Variants in CIT observed in about 807,000 individuals in gnomAD.
CIT encodes citron Rho-interacting kinase.
CIT carries 79 observed loss-of-function variants against 272.7 expected under a neutral mutation model. The ratio of observed to expected loss-of-function variants is 0.29; its 90% confidence interval spans 0.24 to 0.35. The LOEUF is 0.35. CIT is among the 10% of genes least tolerant of loss of function. The pLI is 1.00. For missense variants in CIT, 1,909 were observed against 2,618.3 expected (o/e 0.73, Z 5.91); for synonymous variants, 948 against 995.6 (o/e 0.95, Z 0.90).
At chr12:119,837,589 T>C (rs1344453264) in intron 5 of CIT, among the ~76,000 whole-genome samples, 2 of 152,222 alleles carry the variant, frequency 1.3e-5, no homozygotes, top group Non-Finnish European at 2.9e-5. Flanking sequence ...CAAGAGTCCA[T>C]TCACAGCATC....
chr12:119,714,108 G>A, intron 33 of CIT, 89 bp downstream of exon 33: 3 of 1,476,794 alleles, frequency 2.0e-6, no homozygotes, highest in Non-Finnish European at 2.8e-6. Context: ...ACTATATGAT[G>A]AGTTAGAAAA....
intron 10 of CIT, among the ~76,000 whole-genome samples, chr12:119,801,718 G>A (rs1031293979): frequency 2.0e-5 from 3 of 152,112 alleles, no homozygotes; most frequent in African/African-American, 7.2e-5. Context: ...GATGCCAATG[G>A]CAAAACCTCC....
intron 5 of CIT, among the ~76,000 whole-genome samples, chr12:119,847,638 C>A (rs1385243424): frequency 6.6e-6 from 1 of 151,768 alleles, no homozygotes; most frequent in African/African-American, 2.4e-5. Context: ...CGCCTGTAAT[C>A]CCAGCACTTT....
chr12:119,774,850 T>G (rs533704804), intron 16 of CIT, among the ~76,000 whole-genome samples: 40 of 152,232 alleles, frequency 2.6e-4, no homozygotes, highest in African/African-American at 8.9e-4. Flanking sequence ...GGTGCACACC[T>G]GTAGTCCCAG....
intron 5 of CIT, among the ~76,000 whole-genome samples, chr12:119,842,769 G>A (rs1969496527): frequency 6.6e-6 from 1 of 152,118 alleles, no homozygotes; most frequent in South Asian, 2.1e-4. Context: ...ATCTCACTGA[G>A]TCTATCTTGA....
intron 19 of CIT, among the ~76,000 whole-genome samples, chr12:119,764,462 A>T (rs1014838299): frequency 1.4e-4 from 21 of 152,166 alleles, no homozygotes; most frequent in Non-Finnish European, 2.5e-4. Context: ...CAGAAAATTT[A>T]AAAATTACCC....
intron 47 of CIT, among the ~76,000 whole-genome samples, chr12:119,689,677 T>TTTC (rs1955811593): frequency 8.2e-6 from 1 of 122,502 alleles, no homozygotes. Context: ...TTTTTTTTTT[T>TTTC]TTTTTTTTTT....
rs943997163 is a variant in CIT at position 119,877,256 on chromosome 12, G to A, written c.-21C>T. 6 of 152,382 alleles carry A rather than the reference G, an allele frequency of 3.9e-5. No homozygotes were observed. The highest frequency in any genetic ancestry group is 3.9e-4 in the East Asian group (2 of 5,176). 9.4% of individuals were successfully genotyped at this position (152,382 alleles called of 1,614,324 possible). On this transcript the variant is annotated 5_prime_UTR_variant, in exon 1 of 48. Transcript: ENST00000392521. ...CTGGGGGATCAGACTCACGCTCTGCGAACCCCCAGGTCTGCGATCTGTTCC... is the reference window on the plus strand; with the variant it reads ...CTGGGGGATCAGACTCACGCTCTGCAAACCCCCAGGTCTGCGATCTGTTCC...
At chr12:119,805,172 A>G (rs920825950) in intron 9 of CIT, among the ~76,000 whole-genome samples, 8 of 152,232 alleles carry the variant, frequency 5.3e-5, no homozygotes, top group African/African-American at 1.9e-4. Context: ...GACTGAGGAA[A>G]TTTATGGAGA....
rs1254716300 is a variant in CIT at position 119,849,139 on chromosome 12, C to T, written c.516+1035G>A. Among the ~76,000 whole-genome samples the T allele has an allele frequency of 3.3e-5, 5 of 152,294 alleles. No individual in the cohort carries two copies. The South Asian group carries it at 6.2e-4, about 19-fold the overall frequency. Reference sequence around the variant, plus strand: ...TAGGGAGGAGGATTAGAAAATAAAACGGAGAGGCCGGGCACAGTGGCTCAC... The same window carrying T: ...TAGGGAGGAGGATTAGAAAATAAAATGGAGAGGCCGGGCACAGTGGCTCAC... On this transcript the variant is annotated intron_variant, in intron 5 of 47. Transcript: ENST00000392521.
chr12:119,831,798 G>A (rs1225623070), intron 7 of CIT, among the ~76,000 whole-genome samples: 8 of 152,206 alleles, frequency 5.3e-5, no homozygotes, highest in Admixed American at 3.3e-4. Context: ...GAACCCAGGG[G>A]GGCGGAGCTT....
chr12:119,782,674 GGATCCT>G (rs1403331742), intron 12 of CIT, 37 bp from the exon 13 acceptor site: 1 of 1,610,574 alleles, frequency 6.2e-7, no homozygotes. Flanking sequence ...GATGCCCTGT[GGATCCT>G]GCTTTGTTTG....
rs898213434 is a variant in CIT at position 119,802,888 on chromosome 12, C to G, written c.1295+318G>C. Among the ~76,000 whole-genome samples the G allele has an allele frequency of 2.6e-5, 4 of 152,110 alleles. No individual in the cohort carries two copies. The South Asian group carries it at 8.3e-4, about 32-fold the overall frequency. ...AACTCCTGCACATTTCTCCTTTGAC[C>G]GGGGATCTGCACTGCTGGAAATCTC... On this transcript the variant is annotated intron_variant, in intron 10 of 47. Coordinates refer to ENST00000392521, the MANE Select transcript of CIT (RefSeq NM_001206999.2).
In CIT at chr12:119,713,175, T is replaced by A; in HGVS notation, c.4579+28A>T. The A allele has an allele frequency of 6.3e-7, 1 of 1,583,854 alleles. No homozygotes were observed. Among genetic ancestry groups the A allele is most frequent in the Non-Finnish European group, 8.7e-7 (1 of 1,154,664 alleles). On this transcript the variant is annotated intron_variant, in intron 35 of 47. Transcript: ENST00000392521. The surrounding 1 kb of genome is among the most constrained non-coding windows in gnomAD (Gnocchi z 5.2). Reference sequence around the variant, plus strand: ...GGAGACCTGGGTTAGCCACGTGCAATGACCTTCCCCCTGAATTATTAATTT... The same window carrying A: ...GGAGACCTGGGTTAGCCACGTGCAAAGACCTTCCCCCTGAATTATTAATTT...
intron 47 of CIT, among the ~76,000 whole-genome samples, chr12:119,689,511 T>C (rs1218718779): frequency 1.3e-5 from 2 of 152,124 alleles, no homozygotes; most frequent in African/African-American, 4.8e-5. Flanking sequence ...AGCACACATA[T>C]ATATTTGCTG....
chr12:119,707,211 T>C (rs1956922114), intron 40 of CIT, among the ~76,000 whole-genome samples: 1 of 152,220 alleles, frequency 6.6e-6, no homozygotes, highest in African/African-American at 2.4e-5. Flanking sequence ...AACACACTTA[T>C]TTTTAAATTA....
rs755323238 is a variant in CIT, at chr12:119,783,879, AAGGGAAGGGGGCTTC to A, written c.1545+14_1545+28del. ...ACACACAACAGGAAGTGCCACCTCCAAGGGAAGGGGGCTTCAGGGAAGGCTCACACTGCATTCTGT... is the reference window on the plus strand; with the variant it reads ...ACACACAACAGGAAGTGCCACCTCCAAGGGAAGGCTCACACTGCATTCTGT... On this transcript the variant is annotated intron_variant, in intron 12 of 47. Coordinates refer to ENST00000392521, the MANE Select transcript of CIT (RefSeq NM_001206999.2). 16 of 1,544,524 alleles carry A rather than the reference AAGGGAAGGGGGCTTC, an allele frequency of 1.0e-5. No homozygotes were observed. The highest frequency in any genetic ancestry group is 1.4e-5 in the African/African-American group (1 of 72,474).
intron 5 of CIT, among the ~76,000 whole-genome samples, chr12:119,845,822 C>A (rs555997604): frequency 2.0e-5 from 3 of 150,974 alleles, no homozygotes; most frequent in East Asian, 4.0e-4. Flanking sequence ...TGGTGTCACA[C>A]GCCTGTAATC....
intron 18 of CIT, among the ~76,000 whole-genome samples, chr12:119,769,075 C>CTT (rs10719345): frequency 7.0e-6 from 1 of 142,544 alleles, no homozygotes; most frequent in South Asian, 2.2e-4. Context: ...GATAATCATC[C>CTT]TTTTTTTTTT....
Sources: gnomAD v4.1 joint callset for allele counts (sites outside exome capture counted in the v4.1 genomes callset) on GRCh38, gnomAD v4.1.1 for gene constraint, Gnocchi (gnomAD v3.1) non-coding constraint, MANE v1.5 for transcripts, NCBI Gene and HGNC (gene_info 2026-07-23, HGNC 2026-07-21) for gene names.